The following ZFP1 variants were observed in gnomAD, a reference collection of about 807,000 sequenced individuals.
ZFP1 encodes the protein ZFP1 zinc finger protein.
ZFP1 carries 32 observed loss-of-function variants against 38.5 expected under a neutral mutation model. The ratio of observed to expected loss-of-function variants is 0.83; its 90% confidence interval spans 0.63 to 1.12. The LOEUF is 1.12. ZFP1 is among the 50% of genes most tolerant of loss of function. The pLI is 0.00. For synonymous variants in ZFP1, 245 were observed against 168.8 expected (o/e 1.45, Z -3.50); for missense variants, 616 against 480.8 (o/e 1.28, Z -2.63).
chr16:75,169,168 TAGAACACGTG>T lies in ZFP1; in HGVS notation c.143-84_143-75del, dbSNP rs1327159381. ...CCAAACTAAAGAGTCAGCCCTGTGA[TAGAACACGTG>T]TGAAGACTTCCCATTCGGTAACATT... On this transcript the variant is annotated intron_variant, in intron 3 of 3. Transcript: ENST00000570010. The T allele has an allele frequency of 1.8e-5, 26 of 1,466,530 alleles. No individual in the cohort carries two copies. The Admixed American group carries it at 3.3e-4, about 19-fold the overall frequency. 90.8% of individuals were successfully genotyped at this position (1,466,530 alleles called of 1,614,324 possible). A position where few individuals can be genotyped will look rare whatever the true frequency, so the allele number is the denominator to read the frequency against.
chr16:75,165,615 G>T (rs113991191), intron 2 of ZFP1, among the ~76,000 whole-genome samples: 7,499 of 152,132 alleles, frequency 0.049, 639 homozygotes, highest in African/African-American at 0.17. Context: ...GGTTGGTCCC[G>T]AACACCTGTG....
chr16:75,161,289 G>C (rs544118575), intron 2 of ZFP1, among the ~76,000 whole-genome samples: 2 of 151,918 alleles, frequency 1.3e-5, no homozygotes, highest in South Asian at 2.1e-4. Flanking sequence ...GGCTGGTCTC[G>C]AACTCCTGGC....
At chr16:75,122,746 T>C in the ZFP1 span, among the ~76,000 whole-genome samples, 119 of 152,384 alleles carry the variant, frequency 7.8e-4, no homozygotes, top group Admixed American at 1.6e-3. Context: ...AGCACTGTTA[T>C]CATCTTTGTT....
intron 1 of ZFP1, 67 bp from the exon 2 acceptor site, chr16:75,152,842 T>A: frequency 6.9e-7 from 1 of 1,455,766 alleles, no homozygotes; most frequent in Non-Finnish European, 9.4e-7. Flanking sequence ...TCTAAACAAG[T>A]CATTCTAGGA....
At chr16:75,120,252 T>A in the ZFP1 span, among the ~76,000 whole-genome samples, 3 of 152,326 alleles carry the variant, frequency 2.0e-5, no homozygotes, top group African/African-American at 7.2e-5. Flanking sequence ...AGCGAAAGTT[T>A]TTTTCTTCTC....
chr16:75,122,348 C>T, the ZFP1 span, among the ~76,000 whole-genome samples: 1 of 152,140 alleles, frequency 6.6e-6, no homozygotes, highest in Non-Finnish European at 1.5e-5. Flanking sequence ...AGGGCGGTTA[C>T]AGAACAGTTG....
intron 2 of ZFP1, chr16:75,157,091 C>T (rs990261325): frequency 6.6e-6 from 1 of 152,196 alleles, no homozygotes; most frequent in Non-Finnish European, 1.5e-5. Context: ...CCTTCCCACT[C>T]CTAGGGATTT....
At chr16:75,143,478 T>A in the ZFP1 span, among the ~76,000 whole-genome samples, 19 of 152,138 alleles carry the variant, frequency 1.2e-4, no homozygotes, top group Admixed American at 1.0e-3. Context: ...ACTCTTGACC[T>A]CAGATGATCT....
At chr16:75,150,810 A>G (rs1264797199) in intron 1 of ZFP1, among the ~76,000 whole-genome samples, 3 of 152,026 alleles carry the variant, frequency 2.0e-5, no homozygotes, top group South Asian at 4.2e-4. Flanking sequence ...TGTGCTGTTG[A>G]TCGTAGAATC....
chr16:75,165,553 C>A (rs1172275311), intron 2 of ZFP1, among the ~76,000 whole-genome samples: 1 of 152,164 alleles, frequency 6.6e-6, no homozygotes, highest in African/African-American at 2.4e-5. Context: ...CTCTACCACA[C>A]CCGGATAATT....
chr16:75,120,522 T>C, the ZFP1 span, among the ~76,000 whole-genome samples: 2 of 151,846 alleles, frequency 1.3e-5, no homozygotes, highest in Non-Finnish European at 1.5e-5. Flanking sequence ...TTTTGGGTTT[T>C]TTTTTGTTTT....
the ZFP1 span, among the ~76,000 whole-genome samples, chr16:75,143,468 A>T: frequency 7.6e-4 from 116 of 151,832 alleles, 1 homozygote; most frequent in African/African-American, 2.6e-3. Flanking sequence ...CTGGTCTCGA[A>T]CTCTTGACCT....
intron 3 of ZFP1, 55 bp from the exon 4 acceptor site, chr16:75,169,198 A>G: frequency 6.6e-7 from 1 of 1,523,638 alleles, no homozygotes; most frequent in Non-Finnish European, 8.8e-7. Context: ...CCCATTCGGT[A>G]ACATTATAGC....
At chr16:75,154,084 C>T (rs1360593613) in intron 2 of ZFP1, among the ~76,000 whole-genome samples, 1 of 152,132 alleles carries the variant, frequency 6.6e-6, no homozygotes, top group African/African-American at 2.4e-5. Context: ...ATTAGCCAGG[C>T]GTGGTGGCGG....
chr16:75,139,655 A>T, the ZFP1 span, among the ~76,000 whole-genome samples: 7 of 152,034 alleles, frequency 4.6e-5, no homozygotes, highest in Non-Finnish European at 1.0e-4. Context: ...GAGCTACCAC[A>T]CCTGGCCAGG....
chr16:75,156,329 C>T (rs753210339), intron 2 of ZFP1, among the ~76,000 whole-genome samples: 4 of 152,082 alleles, frequency 2.6e-5, no homozygotes, highest in African/African-American at 7.2e-5. Flanking sequence ...TGGTAGCATG[C>T]GCCTGTAATC....
intron 2 of ZFP1, among the ~76,000 whole-genome samples, chr16:75,158,334 A>G (rs1265437022): frequency 6.9e-6 from 1 of 143,974 alleles, no homozygotes; most frequent in Non-Finnish European, 1.5e-5. Flanking sequence ...ATTTCTGTCT[A>G]TTTTTTTTTT....
intron 1 of ZFP1, among the ~76,000 whole-genome samples, chr16:75,152,628 C>A (rs1242644452): frequency 6.6e-6 from 1 of 152,174 alleles, no homozygotes; most frequent in Non-Finnish European, 1.5e-5. Context: ...GTGTTAAATG[C>A]CCTGTCTGAT....
intron 1 of ZFP1, chr16:75,149,003 G>A (rs1363468737): frequency 2.0e-5 from 3 of 151,982 alleles, no homozygotes; most frequent in Non-Finnish European, 4.4e-5. Context: ...GCCGGGGCGT[G>A]GTGGGGGCGT....
Sources: gnomAD v4.1 joint callset for allele counts (sites outside exome capture counted in the v4.1 genomes callset) on GRCh38, gnomAD v4.1.1 for gene constraint, MANE v1.5 for transcripts, NCBI Gene and HGNC (gene_info 2026-07-23, HGNC 2026-07-21) for gene names.